The following DOCK4 variants were observed in gnomAD, a reference collection of about 807,000 sequenced individuals.
DOCK4 encodes dedicator of cytokinesis protein 4.
Under a neutral mutation model 268.1 loss-of-function variants are expected in DOCK4, and 97 were observed. That is an observed-to-expected ratio of 0.36 (90% confidence interval 0.31 to 0.43). The LOEUF is 0.43. DOCK4 is among the 20% of genes least tolerant of loss of function. The pLI, the probability that DOCK4 is intolerant of heterozygous loss-of-function variation, is 1.00. For synonymous variants in DOCK4, 954 were observed against 887.2 expected (o/e 1.08, Z -1.34); for missense variants, 2,145 against 2,455.7 (o/e 0.87, Z 2.67).
chr7:111,941,167 T>C (rs1795167561), intron 10 of DOCK4, among the ~76,000 whole-genome samples: 1 of 152,228 alleles, frequency 6.6e-6, no homozygotes, highest in Non-Finnish European at 1.5e-5. Flanking sequence ...GAAAACCTCT[T>C]ATTTTATCAG....
At chr7:111,980,627 T>C (rs1798538616) in intron 7 of DOCK4, among the ~76,000 whole-genome samples, 1 of 152,246 alleles carries the variant, frequency 6.6e-6, no homozygotes, top group South Asian at 2.1e-4. Context: ...GGGGCTGTCC[T>C]GGGCTTTGTA....
chr7:111,844,219 T>C (rs1289525427), intron 25 of DOCK4, among the ~76,000 whole-genome samples: 1 of 152,252 alleles, frequency 6.6e-6, no homozygotes, highest in African/African-American at 2.4e-5. Context: ...GAGGTTGTAG[T>C]AAGCCAAGAT....
intron 12 of DOCK4, among the ~76,000 whole-genome samples, chr7:111,918,268 C>A (rs186743749): frequency 6.6e-6 from 1 of 152,138 alleles, no homozygotes; most frequent in Admixed American, 6.5e-5. Flanking sequence ...CAAGAGCTGT[C>A]GCGAGAATTA....
intron 1 of DOCK4, among the ~76,000 whole-genome samples, chr7:112,066,512 CTATA>C (rs113339431): frequency 1.4e-5 from 2 of 144,516 alleles, no homozygotes; most frequent in African/African-American, 5.4e-5. Context: ...CTCTCTCTCT[CTATA>C]TATATACACA....
chr7:111,878,308 CAT>C (rs1349743896), intron 16 of DOCK4, among the ~76,000 whole-genome samples: 4 of 152,166 alleles, frequency 2.6e-5, no homozygotes, highest in Non-Finnish European at 2.9e-5. Flanking sequence ...CTAAATTCCA[CAT>C]GAGATAAAAA....
intron 27 of DOCK4, among the ~76,000 whole-genome samples, chr7:111,815,650 C>T (rs1801489249): frequency 6.8e-6 from 1 of 147,508 alleles, no homozygotes; most frequent in Admixed American, 6.8e-5. Context: ...CCTCCCCTCC[C>T]CTCCCCTCCT....
chr7:111,944,696 C>A (rs910814241), intron 10 of DOCK4, 115 bp downstream of exon 10: 17 of 1,022,764 alleles, frequency 1.7e-5, no homozygotes, highest in Non-Finnish European at 2.4e-5. Context: ...GGATTCAAAT[C>A]TGGCTTTGAT....
intron 1 of DOCK4, among the ~76,000 whole-genome samples, chr7:112,004,609 T>TAAGTTTCTCAA (rs1800703868): frequency 6.6e-6 from 1 of 152,230 alleles, no homozygotes; most frequent in Non-Finnish European, 1.5e-5. Context: ...CCATAAACTG[T>TAAGTTTCTCAA]AAGTTTCTCA....
chr7:111,740,998 G>T, intron 47 of DOCK4, 96 bp downstream of exon 47: 3 of 1,451,750 alleles, frequency 2.1e-6, no homozygotes, highest in Non-Finnish European at 2.8e-6. Flanking sequence ...GTTCTTGCTT[G>T]TTGGTCTGTT....
chr7:111,765,908 A>G (rs1797731758), intron 38 of DOCK4, among the ~76,000 whole-genome samples: 1 of 152,178 alleles, frequency 6.6e-6, no homozygotes, highest in South Asian at 2.1e-4. Flanking sequence ...ATTACACTTA[A>G]AGATTCCCCC....
intron 1 of DOCK4, among the ~76,000 whole-genome samples, chr7:112,014,033 A>C (rs938283504): frequency 2.5e-4 from 38 of 152,240 alleles, no homozygotes; most frequent in Non-Finnish European, 7.3e-5. Context: ...CAAGGTGTGC[A>C]GTTGACTTAT....
At chr7:111,944,942 C>T in intron 9 of DOCK4, 71 bp from the exon 10 acceptor site, 3 of 1,270,094 alleles carry the variant, frequency 2.4e-6, no homozygotes, top group Non-Finnish European at 3.4e-6. Context: ...ACTTTATTTT[C>T]ACAAATAAAA....
rs199565386 is a variant in DOCK4 at position 111,735,090 on chromosome 7, T to G, written c.5383A>C (p.Ile1795Leu). 39 of 1,600,402 alleles carry G rather than the reference T, an allele frequency of 2.4e-5. No homozygotes were observed. The highest frequency in any genetic ancestry group is 6.8e-5 in the South Asian group (6 of 88,094). Residue 1795 changes from isoleucine to leucine, a missense_variant, in exon 51 of 53, where the codon ATC (isoleucine) becomes CTC (leucine). By Grantham distance (5) the Ile-to-Leu change is conservative. Coordinates refer to ENST00000428084, the MANE Select transcript of DOCK4 (RefSeq NM_001363540.2). ...AKNMSDSGKL[I>L]SPPVPPRPTQ... is the part of the protein sequence containing the mutation. ...GGTCTTGGAGGGACAGGGGGAGAGA[T>G]AAGTTTCCCACTATCCGACATGTTC...
intron 44 of DOCK4, 25 bp downstream of exon 44, chr7:111,746,309 G>A (rs3735535): frequency 6.3e-7 from 1 of 1,595,072 alleles, no homozygotes; most frequent in African/African-American, 1.3e-5. Context: ...CAAAATAGAA[G>A]GGGGTTGGCT....
intron 42 of DOCK4, among the ~76,000 whole-genome samples, chr7:111,748,697 G>GAT (rs1796437255): frequency 6.1e-5 from 3 of 49,488 alleles, no homozygotes; most frequent in South Asian, 7.5e-4. Flanking sequence ...AACAGTTGAA[G>GAT]ATATATATAC....
At chr7:112,130,501 T>C (rs1054474704) in intron 1 of DOCK4, among the ~76,000 whole-genome samples, 2 of 152,220 alleles carry the variant, frequency 1.3e-5, no homozygotes, top group African/African-American at 2.4e-5. Flanking sequence ...TGTGATGCTT[T>C]TGTCAGTTGT....
chr7:111,990,200 G>C (rs992653479), intron 5 of DOCK4, among the ~76,000 whole-genome samples: 18 of 152,178 alleles, frequency 1.2e-4, no homozygotes, highest in Non-Finnish European at 2.1e-4. Context: ...ATTAGTACTA[G>C]AGTACTGTTA....
At chr7:112,003,419 A>T (rs1321249197) in intron 2 of DOCK4, among the ~76,000 whole-genome samples, 3 of 152,192 alleles carry the variant, frequency 2.0e-5, no homozygotes, top group Non-Finnish European at 4.4e-5. Context: ...CAAAGTAGTC[A>T]TTTGATCAGA....
chr7:112,116,523 C>T (rs11981541), intron 1 of DOCK4, among the ~76,000 whole-genome samples: 57,133 of 151,976 alleles, frequency 0.38, 11,075 homozygotes, highest in East Asian at 0.56. Flanking sequence ...CCACAAAGAA[C>T]ATGTGTCACA....
Sources: allele counts gnomAD v4.1 joint callset (sites outside exome capture counted in the v4.1 genomes callset), GRCh38; gene constraint gnomAD v4.1.1; transcripts MANE v1.5; gene names NCBI Gene and HGNC (gene_info 2026-07-23, HGNC 2026-07-21).